ATP2C1: variants seen among roughly 807,000 people sequenced by gnomAD.
ATP2C1 encodes calcium-transporting ATPase type 2C member 1.
Under a neutral mutation model 120.5 loss-of-function variants are expected in ATP2C1, and 31 were observed. That is an observed-to-expected ratio of 0.26 (90% CI 0.19 to 0.35). The LOEUF is 0.35. Ranked by LOEUF, ATP2C1 falls within the 10% of genes least tolerant of loss-of-function variation. The pLI, the probability that ATP2C1 is intolerant of heterozygous loss-of-function variation, is 1.00. For synonymous variants in ATP2C1, 351 were observed against 358.7 expected (o/e 0.98, Z 0.24); for missense variants, 731 against 1,107.5 (o/e 0.66, Z 4.83).
intron 20 of ATP2C1, among the ~76,000 whole-genome samples, chr3:130,984,281 A>G (rs1236124869): frequency 1.3e-5 from 2 of 152,022 alleles, no homozygotes; most frequent in East Asian, 3.8e-4. Flanking sequence ...TATTATTATT[A>G]TTGTTATTAT....
rs1254960988 is a variant in ATP2C1 at position 130,953,841 on chromosome 3, T to C, written c.552T>C (p.Asp184=). Residue 184 remains aspartate, a synonymous_variant, in exon 9 of 28, where the codon GAT becomes GAC. Coordinates refer to ENST00000510168, the MANE Select transcript of ATP2C1 (RefSeq NM_001378687.1). ...RLFEAVDLSI[D]ESSLTGETTP... ...CTAAGGCTGTGGATCTTTCCATTGA[T>C]GAGTCCAGCTTGACAGGTGAGACAA... The C allele has an allele frequency of 4.3e-6, 7 of 1,613,986 alleles. No individual in the cohort carries two copies. In the South Asian group the frequency reaches 5.5e-5, roughly 13 times the overall value.
At chr3:130,869,188 G>C (rs1576551458) in intron 1 of ATP2C1, 1 of 117,236 alleles carries the variant, frequency 8.5e-6, no homozygotes, top group Non-Finnish European at 1.7e-5. Context: ...GATTAAGGGC[G>C]GTGCAAGATG....
rs2062622448 is a variant in ATP2C1, at chr3:130,996,360, A to G, written c.2126+249A>G. 3 of 579,298 alleles carry G rather than the reference A, an allele frequency of 5.2e-6. No homozygotes were observed. The African/African-American group carries it at 5.6e-5, about 11-fold the overall frequency. 35.9% of individuals were successfully genotyped at this position (579,298 alleles called of 1,614,324 possible). ...CTTTGTGATTTATTTAATAGCTCACATCTCATTGTTTCCTCTTGGTATCTT... is the reference window on the plus strand; with the variant it reads ...CTTTGTGATTTATTTAATAGCTCACGTCTCATTGTTTCCTCTTGGTATCTT... On this transcript the variant is annotated intron_variant, in intron 23 of 27. Transcript: ENST00000510168.
chr3:130,964,404 A>G (rs1330914164), intron 13 of ATP2C1, among the ~76,000 whole-genome samples: 3 of 152,206 alleles, frequency 2.0e-5, no homozygotes, highest in Non-Finnish European at 1.5e-5. Flanking sequence ...GTCAAAGAAG[A>G]TAATGTATTA....
At chr3:130,874,097 G>A (rs557494496) in intron 1 of ATP2C1, among the ~76,000 whole-genome samples, 4 of 146,940 alleles carry the variant, frequency 2.7e-5, no homozygotes, top group Admixed American at 6.8e-5. Flanking sequence ...GTGACAGAAC[G>A]AGACTCTGTC....
At chr3:130,884,461 A>T (rs929801637) in intron 1 of ATP2C1, among the ~76,000 whole-genome samples, 3 of 152,234 alleles carry the variant, frequency 2.0e-5, no homozygotes, top group African/African-American at 7.2e-5. Flanking sequence ...TGTGTTGAGT[A>T]GAAGAATGTG....
chr3:130,885,813 C>T (rs28887475), intron 1 of ATP2C1, among the ~76,000 whole-genome samples: 2 of 152,074 alleles, frequency 1.3e-5, no homozygotes, highest in African/African-American at 4.8e-5. Flanking sequence ...CTCTGATTTT[C>T]TATGTGCTTA....
chr3:130,862,077 C>A (rs966507931), intron 1 of ATP2C1, among the ~76,000 whole-genome samples: 12 of 151,750 alleles, frequency 7.9e-5, no homozygotes, highest in Non-Finnish European at 1.3e-4. Flanking sequence ...GGGTTCATGT[C>A]ATTCTCCTGC....
At chr3:131,012,583 A>C (rs1209027443) in intron 26 of ATP2C1, among the ~76,000 whole-genome samples, 1 of 152,076 alleles carries the variant, frequency 6.6e-6, no homozygotes, top group Non-Finnish European at 1.5e-5. Flanking sequence ...TATAGTCCTC[A>C]TTAGATACCT....
At chr3:130,932,677 C>T (rs977660490) in intron 4 of ATP2C1, among the ~76,000 whole-genome samples, 1 of 152,036 alleles carries the variant, frequency 6.6e-6, no homozygotes, top group Non-Finnish European at 1.5e-5. Flanking sequence ...TTATTCTAGA[C>T]TGCTTTTATC....
intron 6 of ATP2C1, among the ~76,000 whole-genome samples, chr3:130,938,670 G>A (rs1159336919): frequency 6.6e-6 from 1 of 152,194 alleles, no homozygotes; most frequent in Non-Finnish European, 1.5e-5. Flanking sequence ...GGTTAGTCTA[G>A]CATAGGTCAT....
chr3:130,887,792 G>A (rs2069025437), intron 1 of ATP2C1, among the ~76,000 whole-genome samples: 1 of 152,164 alleles, frequency 6.6e-6, no homozygotes, highest in African/African-American at 2.4e-5. Context: ...TGGGATTGGG[G>A]ACTTCACGAG....
chr3:130,983,725 T>A (rs1358214440), intron 20 of ATP2C1, among the ~76,000 whole-genome samples: 3 of 152,210 alleles, frequency 2.0e-5, no homozygotes, highest in Non-Finnish European at 4.4e-5. Flanking sequence ...CTCTGTAGTT[T>A]TGCCTTTTCC....
chr3:130,997,048 C>A (rs1480011728), intron 24 of ATP2C1, among the ~76,000 whole-genome samples: 1 of 151,916 alleles, frequency 6.6e-6, no homozygotes, highest in Non-Finnish European at 1.5e-5. Flanking sequence ...GGTGCTATCC[C>A]TGTCCTCAGG....
At chr3:131,016,080 A>AGT in intron 26 of ATP2C1, 1 of 1,562,780 alleles carries the variant, frequency 6.4e-7, no homozygotes, top group Non-Finnish European at 8.7e-7. Context: ...TTTAAATATA[A>AGT]GTGAAAATAC....
intron 1 of ATP2C1, among the ~76,000 whole-genome samples, chr3:130,865,789 A>G (rs1331565694): frequency 6.6e-6 from 1 of 152,194 alleles, no homozygotes; most frequent in African/African-American, 2.4e-5. Context: ...CTGTAAGTCC[A>G]ATTAAACCTC....
intron 20 of ATP2C1, among the ~76,000 whole-genome samples, chr3:130,986,624 C>T (rs759154789): frequency 7.9e-5 from 12 of 152,166 alleles, no homozygotes; most frequent in African/African-American, 1.4e-4. Context: ...GTCAGAAGCT[C>T]GTTGAATTGC....
intron 3 of ATP2C1, among the ~76,000 whole-genome samples, chr3:130,931,295 A>T (rs1300362736): frequency 6.6e-6 from 1 of 152,096 alleles, no homozygotes; most frequent in African/African-American, 2.4e-5. Flanking sequence ...AATAGTTAGA[A>T]TACTAAATCA....
upstream of ATP2C1, chr3:130,893,951 A>T: frequency 1.0e-6 from 1 of 985,690 alleles, no homozygotes; most frequent in Non-Finnish European, 1.2e-6. Flanking sequence ...GTGAACACGA[A>T]TGCGCCTGCG....
Sources: gnomAD v4.1 joint callset for allele counts (sites outside exome capture counted in the v4.1 genomes callset) on GRCh38, gnomAD v4.1.1 for gene constraint, MANE v1.5 for transcripts, NCBI Gene and HGNC (gene_info 2026-07-23, HGNC 2026-07-21) for gene names.